MNAT1: variants seen among roughly 807,000 people sequenced by gnomAD.
MNAT1 encodes MNAT1 component of CDK activating kinase.
MNAT1 carries 43 observed loss-of-function variants against 42.0 expected under a neutral mutation model. The ratio of observed to expected loss-of-function variants is 1.02; its 90% confidence interval spans 0.80 to 1.32. MNAT1 has a LOEUF of 1.32. MNAT1 is among the 40% of genes most tolerant of loss of function. The pLI, the probability that MNAT1 is intolerant of heterozygous loss-of-function variation, is 0.00. For synonymous variants in MNAT1, 118 were observed against 120.0 expected (o/e 0.98, Z 0.11); for missense variants, 306 against 350.4 (o/e 0.87, Z 1.01).
intron 6 of MNAT1, among the ~76,000 whole-genome samples, chr14:60,843,799 T>C (rs1265769382): frequency 6.6e-6 from 1 of 152,214 alleles, no homozygotes; most frequent in Non-Finnish European, 1.5e-5. Flanking sequence ...TAAATTTTGA[T>C]GAAGTCAGAT....
chr14:60,795,248 C>G (rs145325988), intron 1 of MNAT1, among the ~76,000 whole-genome samples: 4 of 152,176 alleles, frequency 2.6e-5, no homozygotes, highest in Non-Finnish European at 5.9e-5. Flanking sequence ...ACCCTCAAGA[C>G]TCAGAGGCTA....
intron 6 of MNAT1, among the ~76,000 whole-genome samples, chr14:60,874,417 CTT>C (rs1446577463): frequency 1.3e-5 from 2 of 152,276 alleles, no homozygotes; most frequent in South Asian, 2.1e-4. Context: ...CTTTTGTAGA[CTT>C]TGTCCTCTGA....
At chr14:60,964,587 A>G (rs2036650300) in intron 7 of MNAT1, among the ~76,000 whole-genome samples, 1 of 152,218 alleles carries the variant, frequency 6.6e-6, no homozygotes, top group Non-Finnish European at 1.5e-5. Context: ...AAATAAACCC[A>G]TGAAAAACAG....
At chr14:60,766,703 C>T (rs530758604) in intron 1 of MNAT1, among the ~76,000 whole-genome samples, 9 of 151,916 alleles carry the variant, frequency 5.9e-5, no homozygotes, top group Non-Finnish European at 1.3e-4. Flanking sequence ...AGCAAGACTC[C>T]GTCTCAAAAA....
At chr14:60,737,497 G>A (rs187125025) in intron 1 of MNAT1, among the ~76,000 whole-genome samples, 94 of 151,844 alleles carry the variant, frequency 6.2e-4, no homozygotes, top group Admixed American at 3.9e-3. Context: ...TTTGATAGTA[G>A]TCCATTGTTC....
intron 1 of MNAT1, among the ~76,000 whole-genome samples, chr14:60,784,179 A>ATTTTTT (rs71114155): frequency 0.23 from 12,126 of 53,214 alleles, 3,783 homozygotes; most frequent in Middle Eastern, 0.3. Context: ...TGCCTGGCTA[A>ATTTTTT]TTTTTTTTTT....
chr14:60,825,196 G>T (rs1412160646), intron 6 of MNAT1, among the ~76,000 whole-genome samples: 1 of 152,116 alleles, frequency 6.6e-6, no homozygotes, highest in Admixed American at 6.5e-5. Context: ...AGAATATGTA[G>T]ATTAAAATCA....
chr14:60,933,180 G>A (rs147567361), intron 7 of MNAT1, among the ~76,000 whole-genome samples: 294 of 151,966 alleles, frequency 1.9e-3, no homozygotes, highest in African/African-American at 6.9e-3. Context: ...TAGAAAGTCC[G>A]GTCCCTTAGA....
intron 7 of MNAT1, among the ~76,000 whole-genome samples, chr14:60,934,576 GTCTTC>G (rs1206630712): frequency 6.6e-6 from 1 of 152,144 alleles, no homozygotes; most frequent in Non-Finnish European, 1.5e-5. Flanking sequence ...TGCACAAGCT[GTCTTC>G]TCTTGTCTGC....
At chr14:60,788,587 A>C (rs1032303571) in intron 1 of MNAT1, among the ~76,000 whole-genome samples, 1 of 152,158 alleles carries the variant, frequency 6.6e-6, no homozygotes, top group African/African-American at 2.4e-5. Flanking sequence ...TGCATTGAAA[A>C]GTCTGTTTTT....
Position 60,903,865 on chromosome 14 carries a change from GTTTTTT to G in MNAT1, c.809+24046_809+24051del, listed in dbSNP as rs35825181. ...TTTGTTTTTGATGCTACCCATGTAA[GTTTTTT>G]TTTTTTTTTTTTTTTCTTTTTGATG... On this transcript the variant is annotated intron_variant, in intron 7 of 7. Coordinates refer to ENST00000261245, the MANE Select transcript of MNAT1 (RefSeq NM_002431.4). 4.2e-4 allele frequency among the ~76,000 whole-genome samples: 49 copies of G among 115,716 alleles called. No individual in the cohort carries two copies. In the East Asian group the frequency reaches 9.2e-3, roughly 22 times the overall value. 75.9% of individuals were successfully genotyped at this position (115,716 alleles called of 152,430 possible). A position where few individuals can be genotyped will look rare whatever the true frequency, so the allele number is the denominator to read the frequency against.
intron 6 of MNAT1, among the ~76,000 whole-genome samples, chr14:60,823,604 A>G (rs547440582): frequency 1.3e-5 from 2 of 152,322 alleles, no homozygotes; most frequent in Non-Finnish European, 2.9e-5. Context: ...CACGCCTATA[A>G]TCCCAGCACT....
intron 7 of MNAT1, among the ~76,000 whole-genome samples, chr14:60,882,661 G>A (rs553981542): frequency 5.8e-4 from 88 of 152,164 alleles, no homozygotes; most frequent in Non-Finnish European, 1.0e-3. Context: ...CCTCGAAACT[G>A]TTCTCCATAC....
At position 60,815,185 on chromosome 14, in the gene MNAT1, A is replaced by G. The variant is rs1328954245; in HGVS notation, c.561+3058A>G. Among the ~76,000 whole-genome samples, 5 of 151,970 alleles carry G rather than the reference A, an allele frequency of 3.3e-5. No homozygotes were observed. In the East Asian group the frequency reaches 9.6e-4, roughly 29 times the overall value. ...TTTAGATTTTATTTTGAGGTTAGCC[A>G]GCTTTGCATAACAATTATTCTTGCA... On this transcript the variant is annotated intron_variant, in intron 5 of 7. Transcript: ENST00000261245.
At chr14:60,787,065 G>A (rs557166680) in intron 1 of MNAT1, among the ~76,000 whole-genome samples, 10 of 152,232 alleles carry the variant, frequency 6.6e-5, no homozygotes, top group African/African-American at 2.2e-4. Context: ...GTGGGACATC[G>A]TTCTTTCAAG....
intron 3 of MNAT1, among the ~76,000 whole-genome samples, chr14:60,801,266 G>A (rs1486086995): frequency 6.6e-6 from 1 of 151,698 alleles, no homozygotes; most frequent in Non-Finnish European, 1.5e-5. Flanking sequence ...AAAACATGAG[G>A]GATGACTAAA....
At chr14:60,747,049 G>C (rs1340111412) in intron 1 of MNAT1, among the ~76,000 whole-genome samples, 3 of 144,212 alleles carry the variant, frequency 2.1e-5, no homozygotes, top group African/African-American at 7.8e-5. Flanking sequence ...ACAGTGGTGC[G>C]ATCTCGGCTC....
chr14:60,833,889 C>G (rs2033295528), intron 6 of MNAT1, among the ~76,000 whole-genome samples: 1 of 152,126 alleles, frequency 6.6e-6, no homozygotes, highest in Admixed American at 6.5e-5. Flanking sequence ...TGACTTCTTC[C>G]TGGTTTAGTC....
At chr14:60,905,563 G>A (rs1329543332) in intron 7 of MNAT1, among the ~76,000 whole-genome samples, 2 of 152,110 alleles carry the variant, frequency 1.3e-5, no homozygotes, top group Admixed American at 1.3e-4. Flanking sequence ...TATAACTCAC[G>A]CTGAATCCAA....
Sources: gnomAD v4.1 joint callset for allele counts (sites outside exome capture counted in the v4.1 genomes callset) on GRCh38, gnomAD v4.1.1 for gene constraint, MANE v1.5 for transcripts, NCBI Gene and HGNC (gene_info 2026-07-23, HGNC 2026-07-21) for gene names.